The following DYNC1I1 variants were observed in gnomAD, a reference collection of about 807,000 sequenced individuals.
The protein encoded by DYNC1I1 is cytoplasmic dynein 1 intermediate chain 1.
DYNC1I1 carries 43 observed loss-of-function variants against 86.6 expected under a neutral mutation model. The observed-to-expected ratio is 0.50, with a 90% CI of 0.39 to 0.64. The LOEUF is 0.64. DYNC1I1 is among the 30% of genes least tolerant of loss of function. The probability of loss-of-function intolerance (pLI) is 0.00; values close to 1 mark genes in which losing one functional copy is unlikely to be tolerated. For synonymous variants in DYNC1I1, 262 were observed against 283.7 expected, an observed-to-expected ratio of 0.92 and a Z score of 0.77; for missense variants, 604 against 788.8, an observed-to-expected ratio of 0.77 and a Z score of 2.81.
At chr7:95,923,304 C>T (rs1171809765) in intron 6 of DYNC1I1, among the ~76,000 whole-genome samples, 1 of 151,956 alleles carries the variant, frequency 6.6e-6, no homozygotes, top group African/African-American at 2.4e-5. Context: ...ATGTGAAAAC[C>T]CAATGACCAT....
At chr7:96,109,599 G>T (rs1159774567) in intron 16 of DYNC1I1, among the ~76,000 whole-genome samples, 1 of 151,834 alleles carries the variant, frequency 6.6e-6, no homozygotes, top group Non-Finnish European at 1.5e-5. Context: ...TTTTCATTCA[G>T]TTCAGAATAC....
At chr7:95,883,187 A>C (rs909814173) in intron 6 of DYNC1I1, among the ~76,000 whole-genome samples, 2 of 152,184 alleles carry the variant, frequency 1.3e-5, no homozygotes, top group African/African-American at 4.8e-5. Context: ...TCTTGCAATA[A>C]TTTATAAATT....
chr7:95,989,659 G>T (rs1793681954), intron 9 of DYNC1I1, among the ~76,000 whole-genome samples: 1 of 152,112 alleles, frequency 6.6e-6, no homozygotes, highest in Non-Finnish European at 1.5e-5. Context: ...TTCCACACAG[G>T]GTCTCGCATG....
chr7:95,999,843 T>G (rs1052988873), intron 10 of DYNC1I1, among the ~76,000 whole-genome samples: 1 of 152,166 alleles, frequency 6.6e-6, no homozygotes, highest in Admixed American at 6.5e-5. Context: ...AATTGTAAAG[T>G]TTATTTCAGT....
chr7:96,077,392 G>A (rs1446329511), intron 15 of DYNC1I1, among the ~76,000 whole-genome samples: 1 of 152,080 alleles, frequency 6.6e-6, no homozygotes, highest in Non-Finnish European at 1.5e-5. Flanking sequence ...TTCAATTTGA[G>A]TCTATTTTTG....
chr7:95,862,583 C>T (rs750627245), intron 5 of DYNC1I1, among the ~76,000 whole-genome samples: 7 of 152,086 alleles, frequency 4.6e-5, no homozygotes, highest in East Asian at 3.9e-4. Flanking sequence ...GCAATTAGAA[C>T]GCTAATACAC....
At chr7:96,088,514 T>C (rs1790748695) in intron 16 of DYNC1I1, among the ~76,000 whole-genome samples, 2 of 152,182 alleles carry the variant, frequency 1.3e-5, no homozygotes, top group South Asian at 4.1e-4. Context: ...TTTTTATGGC[T>C]GACAAAATTG....
intron 6 of DYNC1I1, among the ~76,000 whole-genome samples, chr7:95,950,705 A>G (rs1792529108): frequency 6.6e-6 from 1 of 152,170 alleles, no homozygotes; most frequent in South Asian, 2.1e-4. Flanking sequence ...ATTGGGAAGC[A>G]ATGCTGTGGT....
intron 4 of DYNC1I1, among the ~76,000 whole-genome samples, chr7:95,818,101 A>G (rs1046974791): frequency 5.3e-5 from 8 of 152,012 alleles, no homozygotes; most frequent in African/African-American, 1.9e-4. Flanking sequence ...CAATAATAAC[A>G]CCCATTGCAT....
chr7:95,787,070 G>A (rs1236651474), intron 1 of DYNC1I1, among the ~76,000 whole-genome samples: 2 of 152,104 alleles, frequency 1.3e-5, no homozygotes, highest in Non-Finnish European at 2.9e-5. Context: ...ATTGTTCTTA[G>A]GTAGCCCACA....
At chr7:95,847,377 C>T (rs1256882059) in intron 5 of DYNC1I1, among the ~76,000 whole-genome samples, 2 of 152,124 alleles carry the variant, frequency 1.3e-5, no homozygotes, top group African/African-American at 4.8e-5. Context: ...GTTCCTAAAC[C>T]TACCCAACCA....
intron 7 of DYNC1I1, among the ~76,000 whole-genome samples, chr7:95,977,876 T>C (rs1584219141): frequency 6.6e-6 from 1 of 152,226 alleles, no homozygotes; most frequent in East Asian, 1.9e-4. Context: ...TTGTTACCAA[T>C]TGCCATGTTA....
intron 4 of DYNC1I1, among the ~76,000 whole-genome samples, chr7:95,821,831 A>G (rs921846193): frequency 6.6e-6 from 1 of 152,170 alleles, no homozygotes; most frequent in Non-Finnish European, 1.5e-5. Flanking sequence ...ACTAATTTAA[A>G]TGCTACCAAC....
At chr7:95,869,654 GCTGAGGGTCTTAT>G (rs1397955889) in intron 5 of DYNC1I1, among the ~76,000 whole-genome samples, 3 of 152,186 alleles carry the variant, frequency 2.0e-5, no homozygotes, top group African/African-American at 4.8e-5. Flanking sequence ...AGATAGGAAA[GCTGAGGGTCTTAT>G]CTGACATCAC....
intron 5 of DYNC1I1, among the ~76,000 whole-genome samples, chr7:95,835,806 T>C (rs1200593170): frequency 6.6e-6 from 1 of 152,046 alleles, no homozygotes; most frequent in Non-Finnish European, 1.5e-5. Flanking sequence ...CCTGCCTTTT[T>C]TTGTTTTCCA....
chr7:96,044,225 A>G lies in DYNC1I1; in HGVS notation c.1509+4804A>G, dbSNP rs143097599. Among the ~76,000 whole-genome samples, 23 of 152,332 alleles carry G rather than the reference A, an allele frequency of 1.5e-4. No individual in the cohort carries two copies. In the East Asian group the frequency reaches 4.2e-3, roughly 28 times the overall value. ...TCTCTGAATATGTTTAAAATTTTCT[A>G]TAATAAAGAACCTTTAAAAGGCAGA... On this transcript the variant is annotated intron_variant, in intron 14 of 16. Coordinates refer to ENST00000447467, the MANE Select transcript of DYNC1I1 (RefSeq NM_001135556.2).
intron 13 of DYNC1I1, 136 bp from the exon 14 acceptor site, chr7:96,039,141 A>C: frequency 1.1e-6 from 1 of 922,392 alleles, no homozygotes; most frequent in African/African-American, 1.7e-5. Flanking sequence ...TGTAAAAATG[A>C]TTTCATTTTG....
intron 1 of DYNC1I1, among the ~76,000 whole-genome samples, chr7:95,775,068 A>G (rs2115607071): frequency 6.6e-6 from 1 of 152,362 alleles, no homozygotes; most frequent in South Asian, 2.1e-4. Context: ...ATACTTTCAC[A>G]GGTGTTAACT....
At chr7:95,905,744 CTG>C (rs1791160486) in intron 6 of DYNC1I1, among the ~76,000 whole-genome samples, 1 of 151,696 alleles carries the variant, frequency 6.6e-6, no homozygotes, top group Non-Finnish European at 1.5e-5. Flanking sequence ...CCTGTCAACA[CTG>C]TGAGCAGATT....
Sources: gnomAD v4.1 joint callset for allele counts (sites outside exome capture counted in the v4.1 genomes callset) on GRCh38, gnomAD v4.1.1 for gene constraint, MANE v1.5 for transcripts, NCBI Gene and HGNC (gene_info 2026-07-23, HGNC 2026-07-21) for gene names.